MPRIP: variants seen among roughly 807,000 people sequenced by gnomAD.
MPRIP encodes myosin phosphatase Rho interacting protein.
MPRIP carries 59 observed loss-of-function variants against 234.9 expected under a neutral mutation model. That is an observed-to-expected ratio of 0.25 (90% CI 0.20 to 0.31). MPRIP has a LOEUF of 0.31. MPRIP is among the 10% of genes least tolerant of loss of function. The pLI is 1.00. For missense variants in MPRIP, 2,436 were observed against 3,071.0 expected (o/e 0.79, Z 4.89); for synonymous variants, 1,144 against 1,263.9 (o/e 0.91, Z 2.01).
intron 4 of MPRIP, among the ~76,000 whole-genome samples, chr17:17,129,375 C>T (rs2090554012): frequency 1.3e-5 from 2 of 152,188 alleles, no homozygotes; most frequent in East Asian, 1.9e-4. Flanking sequence ...CACCCCTCTC[C>T]TCTCTTCTTG....
intron 1 of MPRIP, among the ~76,000 whole-genome samples, chr17:17,044,539 C>G (rs1028972742): frequency 2.0e-5 from 3 of 152,100 alleles, no homozygotes; most frequent in Non-Finnish European, 2.9e-5. Context: ...ACTTTTTTCT[C>G]TTACAATTTA....
At chr17:17,105,394 C>T (rs1245400263) in intron 3 of MPRIP, among the ~76,000 whole-genome samples, 1 of 152,182 alleles carries the variant, frequency 6.6e-6, no homozygotes, top group Non-Finnish European at 1.5e-5. Flanking sequence ...CATCCATACT[C>T]CTAGGGAGGC....
intron 17 of MPRIP, 30 bp from the exon 18 acceptor site, chr17:17,172,668 T>TCGGTGCTGAGGC (rs757726098): frequency 1.9e-6 from 3 of 1,588,000 alleles, no homozygotes; most frequent in East Asian, 2.2e-5. Flanking sequence ...GCGTGGTCCC[T>TCGGTGCTGAGGC]CGGTGCTGAG....
At chr17:17,157,284 C>T (rs914225600) in intron 13 of MPRIP, among the ~76,000 whole-genome samples, 1 of 152,228 alleles carries the variant, frequency 6.6e-6, no homozygotes, top group East Asian at 1.9e-4. Flanking sequence ...TGGCTTCACT[C>T]CACTTACTGC....
rs776746942 is a variant in MPRIP at position 17,159,019 on chromosome 17, A to G, written c.2400+17A>G. The G allele has an allele frequency of 1.1e-5, 18 of 1,598,640 alleles. No individual in the cohort carries two copies. In the South Asian group the frequency reaches 1.8e-4, roughly 16 times the overall value. On this transcript the variant is annotated intron_variant, in intron 14 of 23. Coordinates refer to ENST00000651222, the MANE Select transcript of MPRIP (RefSeq NM_001364716.4). ...GAGAAGGAGGTAATAGCCTGGGACC[A>G]GATCCCCACCCTGCTCCCAGCAGCC...
rs778181735 is a variant in MPRIP, at chr17:17,143,571, G to GC, written c.1412dup (p.Ala472SerfsTer43). 1.4e-5 allele frequency: 22 copies of GC among 1,596,114 alleles called. No individual in the cohort carries two copies. The highest frequency in any genetic ancestry group is 8.0e-5 in the South Asian group (7 of 87,340). The stretch of plus-strand genomic sequence containing the variant: ...TCTGCCACAGGACTTCACCAATGAA[G>GC]CCCCCCCAGCTCCTCTCCCAGACGC... On this transcript the variant is annotated frameshift_variant, in exon 9 of 24. Coordinates refer to ENST00000651222, the MANE Select transcript of MPRIP (RefSeq NM_001364716.4). LOFTEE classifies it high-confidence loss of function.
intron 3 of MPRIP, among the ~76,000 whole-genome samples, chr17:17,109,984 G>A (rs1000895963): frequency 3.9e-5 from 6 of 152,166 alleles, no homozygotes; most frequent in African/African-American, 1.4e-4. Flanking sequence ...CAAACCTCAC[G>A]TTGAAATGTG....
intron 3 of MPRIP, among the ~76,000 whole-genome samples, chr17:17,085,491 G>A (rs2089567774): frequency 6.6e-6 from 1 of 152,202 alleles, no homozygotes; most frequent in Non-Finnish European, 1.5e-5. Context: ...TCTTTAAGTG[G>A]AATTCTGCAC....
In MPRIP at chr17:17,111,026, C is replaced by T. The variant is rs181612620; in HGVS notation, c.268-15676C>T. Reference sequence around the variant, plus strand: ...TATTCATTGTAGCAAATGCACTGCACTGATGTATTAATAACAGGGTAAACT... The same window carrying T: ...TATTCATTGTAGCAAATGCACTGCATTGATGTATTAATAACAGGGTAAACT... On this transcript the variant is annotated intron_variant, in intron 3 of 23. Coordinates refer to ENST00000651222, the MANE Select transcript of MPRIP (RefSeq NM_001364716.4). 4.0e-5 allele frequency among the ~76,000 whole-genome samples: 6 copies of T among 151,864 alleles called. No individual in the cohort carries two copies. In the East Asian group the frequency reaches 1.2e-3, roughly 29 times the overall value.
At position 17,077,685 on chromosome 17, in the gene MPRIP, T is replaced by C. The variant is rs186976912; in HGVS notation, c.202-326T>C. The stretch of plus-strand genomic sequence containing the variant: ...ACATGTCATGTGATGCATTCTATGC[T>C]GAGCACCATCAGGAATACAAAAAGG... On this transcript the variant is annotated intron_variant, in intron 2 of 23. Coordinates refer to ENST00000651222, the MANE Select transcript of MPRIP (RefSeq NM_001364716.4). 6.6e-4 allele frequency: 210 copies of C among 319,552 alleles called. 1 individual carries two copies. The East Asian group carries it at 0.01, about 16-fold the overall frequency. 19.8% of individuals were successfully genotyped at this position (319,552 alleles called of 1,614,324 possible).
intron 15 of MPRIP, 144 bp from the exon 16 acceptor site, chr17:17,163,964 TA>T (rs1051181205): frequency 1.3e-5 from 6 of 458,636 alleles, no homozygotes; most frequent in Admixed American, 4.4e-5. Context: ...TGGATTTTTT[TA>T]ATGGGAAAAA....
chr17:17,107,909 T>C (rs4247118), intron 3 of MPRIP, among the ~76,000 whole-genome samples: 127,250 of 152,242 alleles, frequency 0.84, 53,431 homozygotes, highest in East Asian at 0.99. Flanking sequence ...TGTGAGAACC[T>C]ATGGTATGCC....
intron 19 of MPRIP, 69 bp from the exon 20 acceptor site, chr17:17,175,224 C>T: frequency 6.2e-7 from 1 of 1,609,448 alleles, no homozygotes; most frequent in South Asian, 1.1e-5. Context: ...AAATGGCCTT[C>T]CCGGGTTGTG....
At chr17:17,081,899 A>C (rs532218544) in intron 3 of MPRIP, among the ~76,000 whole-genome samples, 4 of 152,214 alleles carry the variant, frequency 2.6e-5, no homozygotes, top group Admixed American at 2.6e-4. Context: ...AATTTCTCAA[A>C]TGCAGGCTGA....
intron 1 of MPRIP, among the ~76,000 whole-genome samples, chr17:17,063,582 CTGTT>C (rs1460284760): frequency 1.3e-5 from 2 of 152,152 alleles, no homozygotes; most frequent in African/African-American, 2.4e-5. Context: ...TCTGCATCGA[CTGTT>C]TGAGGCCTGC....
intron 7 of MPRIP, among the ~76,000 whole-genome samples, chr17:17,139,106 A>G (rs1299814956): frequency 6.6e-6 from 1 of 152,222 alleles, no homozygotes; most frequent in African/African-American, 2.4e-5. Context: ...CCAGGGGCAC[A>G]GGTGCAGAAC....
In MPRIP at chr17:17,089,780, C is replaced by T. The variant is rs561586471; in HGVS notation, c.267+11704C>T. Among the ~76,000 whole-genome samples the T allele has an allele frequency of 7.2e-5, 11 of 152,236 alleles. No individual in the cohort carries two copies. The South Asian group carries it at 1.9e-3, about 26-fold the overall frequency. On this transcript the variant is annotated intron_variant, in intron 3 of 23. Coordinates refer to ENST00000651222, the MANE Select transcript of MPRIP (RefSeq NM_001364716.4). ...CCTAGGTATCAGCATCACCCCACTT[C>T]CAGAGCATTTGTGTTTTCAGTGTGA...
At chr17:17,144,437 G>A (rs936150814) in intron 9 of MPRIP, among the ~76,000 whole-genome samples, 5 of 152,220 alleles carry the variant, frequency 3.3e-5, no homozygotes, top group African/African-American at 1.2e-4. Flanking sequence ...ACTTAGCTGG[G>A]AGCGCCTTCC....
At chr17:17,162,274 G>A (rs552810000) in intron 15 of MPRIP, among the ~76,000 whole-genome samples, 1 of 152,330 alleles carries the variant, frequency 6.6e-6, no homozygotes, top group East Asian at 1.9e-4. Flanking sequence ...TGTAGACTTA[G>A]ACCCAGTGAT....
Sources: allele counts gnomAD v4.1 joint callset (sites outside exome capture counted in the v4.1 genomes callset), GRCh38; gene constraint gnomAD v4.1.1; transcripts MANE v1.5; gene names NCBI Gene and HGNC (gene_info 2026-07-23, HGNC 2026-07-21).